Variants in UTP6 observed in about 807,000 individuals in gnomAD.
The protein encoded by UTP6 is U3 small nucleolar RNA-associated protein 6 homolog.
In UTP6, 60 loss-of-function variants were observed where a neutral mutation model predicts 96.5. The observed-to-expected ratio is 0.62, with a 90% CI of 0.51 to 0.77. UTP6 has a LOEUF of 0.77. Ranked by LOEUF, UTP6 falls within the 30% of genes least tolerant of loss-of-function variation. The pLI, the probability that UTP6 is intolerant of heterozygous loss-of-function variation, is 0.00. For synonymous variants in UTP6, 215 were observed against 240.1 expected, an observed-to-expected ratio of 0.90 and a Z score of 0.96; for missense variants, 637 against 706.5, an observed-to-expected ratio of 0.90 and a Z score of 1.12.
chr17:31,872,052 G>A (rs575147192), intron 16 of UTP6, among the ~76,000 whole-genome samples: 13 of 151,794 alleles, frequency 8.6e-5, no homozygotes, highest in South Asian at 2.1e-4. Flanking sequence ...AAAATTAGCC[G>A]GGCGTCGTGG....
chr17:31,882,015 T>G (rs886379655), intron 10 of UTP6, among the ~76,000 whole-genome samples: 10 of 151,026 alleles, frequency 6.6e-5, no homozygotes, highest in African/African-American at 1.9e-4. Flanking sequence ...TCATTTTCGT[T>G]TGTGTGTGTG....
rs553142316 is a variant in UTP6, at chr17:31,898,101, G to A, written c.177+1545C>T. 3.3e-5 allele frequency among the ~76,000 whole-genome samples: 5 copies of A among 152,074 alleles called. No individual in the cohort carries two copies. In the East Asian group the frequency reaches 5.8e-4, roughly 18 times the overall value. On this transcript the variant is annotated intron_variant, in intron 2 of 18. Transcript: ENST00000261708. Reference sequence around the variant, plus strand: ...AGTAGAAAAAAAAAAGAAAGAAAACGACAAGAGAGAAAGAGGAGGGGAAAA... The same window carrying A: ...AGTAGAAAAAAAAAAGAAAGAAAACAACAAGAGAGAAAGAGGAGGGGAAAA...
At chr17:31,896,899 G>A (rs543180648) in intron 2 of UTP6, among the ~76,000 whole-genome samples, 16 of 151,992 alleles carry the variant, frequency 1.1e-4, no homozygotes, top group East Asian at 1.9e-4. Context: ...CACGTGAGCC[G>A]CCACGCCCCT....
chr17:31,896,644 A>ATT (rs1555577190), intron 2 of UTP6, among the ~76,000 whole-genome samples: 89 of 145,770 alleles, frequency 6.1e-4, no homozygotes, highest in African/African-American at 1.9e-3. Context: ...ACAGAAAAAA[A>ATT]TTTTTTTTTT....
chr17:31,874,532 C>T (rs534062717), intron 14 of UTP6, among the ~76,000 whole-genome samples: 3 of 144,916 alleles, frequency 2.1e-5, no homozygotes, highest in Non-Finnish European at 4.5e-5. Flanking sequence ...GGCAACAGAA[C>T]AAGACTTCAT....
At chr17:31,884,623 G>T (rs1911046107) in intron 9 of UTP6, 118 bp from the exon 10 acceptor site, 2 of 765,162 alleles carry the variant, frequency 2.6e-6, no homozygotes, top group Admixed American at 3.1e-5. Flanking sequence ...ATGAGAAATA[G>T]AATAAAATAG....
At chr17:31,889,700 A>G (rs1258343759) in intron 6 of UTP6, among the ~76,000 whole-genome samples, 1 of 151,786 alleles carries the variant, frequency 6.6e-6, no homozygotes, top group Non-Finnish European at 1.5e-5. Flanking sequence ...GGGTTTCACC[A>G]TGTTAGCCAG....
chr17:31,863,867 AT>A (rs1409135889), intron 18 of UTP6, among the ~76,000 whole-genome samples: 5 of 151,968 alleles, frequency 3.3e-5, no homozygotes, highest in African/African-American at 1.2e-4. Context: ...TATTAGGCTA[AT>A]TTTTTTATTT....
chr17:31,893,015 T>C (rs28406118), intron 4 of UTP6, among the ~76,000 whole-genome samples: 4,692 of 151,340 alleles, frequency 0.031, 245 homozygotes, highest in African/African-American at 0.11. Flanking sequence ...TAACCTAAAA[T>C]TACAAAGATT....
Position 31,862,485 on chromosome 17 carries a change from C to G in UTP6, c.*874G>C, listed in dbSNP as rs1427438099. On this transcript the variant is annotated 3_prime_UTR_variant, in exon 19 of 19. Transcript: ENST00000261708. ...TGACAGGATGCTTTTTTTTACCACACTATTCTATTTCCTCCATATTTTCCA... is the reference window on the plus strand; with the variant it reads ...TGACAGGATGCTTTTTTTTACCACAGTATTCTATTTCCTCCATATTTTCCA... 1.3e-5 allele frequency: 2 copies of G among 152,134 alleles called. No individual in the cohort carries two copies. Among genetic ancestry groups the G allele is most frequent in the Non-Finnish European group, 2.9e-5 (2 of 68,022 alleles). 9.4% of individuals were successfully genotyped at this position (152,134 alleles called of 1,614,324 possible). A position where few individuals can be genotyped will look rare whatever the true frequency, so the allele number is the denominator to read the frequency against.
chr17:31,868,328 T>TTG (rs1295169993), intron 16 of UTP6, among the ~76,000 whole-genome samples: 1 of 142,072 alleles, frequency 7.0e-6, no homozygotes, highest in Non-Finnish European at 1.5e-5. Context: ...TTTTTTGGTT[T>TTG]TTTTTTTTTT....
At chr17:31,865,709 A>G (rs996884359) in intron 17 of UTP6, among the ~76,000 whole-genome samples, 1 of 152,344 alleles carries the variant, frequency 6.6e-6, no homozygotes, top group African/African-American at 2.4e-5. Context: ...TTCACAGAAA[A>G]CAGTATTTGA....
In UTP6 at chr17:31,887,319, G is replaced by A; in HGVS notation, c.544-6C>T. On this transcript the variant is annotated splice_polypyrimidine_tract_variant and splice_region_variant and intron_variant, in intron 7 of 18. Coordinates refer to ENST00000261708, the MANE Select transcript of UTP6 (RefSeq NM_018428.3). ...ATCAGCTCCATCCTAAAGTACTACAGAAGAGAAATAAACTGAAAATCTTTG... is the reference window on the plus strand; with the variant it reads ...ATCAGCTCCATCCTAAAGTACTACAAAAGAGAAATAAACTGAAAATCTTTG... The A allele has an allele frequency of 6.2e-7, 1 of 1,612,774 alleles. No individual in the cohort carries two copies. Among genetic ancestry groups the A allele is most frequent in the Non-Finnish European group, 8.5e-7 (1 of 1,179,284 alleles).
rs375420448 is a variant in UTP6 at position 31,880,774 on chromosome 17, G to C, written c.786-20C>G. ...TGAAGGCTGAAAAATACAATTTACTGTTATCAATCCCACAACAAGAAACTG... is the reference window on the plus strand; with the variant it reads ...TGAAGGCTGAAAAATACAATTTACTCTTATCAATCCCACAACAAGAAACTG... On this transcript the variant is annotated intron_variant, in intron 10 of 18. Coordinates refer to ENST00000261708, the MANE Select transcript of UTP6 (RefSeq NM_018428.3). 6.2e-7 allele frequency: 1 copy of C among 1,613,200 alleles called. No individual in the cohort carries two copies. Among genetic ancestry groups the C allele is most frequent in the African/African-American group, 1.3e-5 (1 of 74,902 alleles).
chr17:31,881,267 CTTTT>C (rs202102116), intron 10 of UTP6, among the ~76,000 whole-genome samples: 8 of 132,880 alleles, frequency 6.0e-5, no homozygotes, highest in Admixed American at 7.6e-5. Context: ...CACTTTTTCA[CTTTT>C]TTTTTTTTTT....
intron 1 of UTP6, among the ~76,000 whole-genome samples, chr17:31,900,307 T>G (rs780415696): frequency 1.3e-5 from 2 of 152,246 alleles, no homozygotes; most frequent in Middle Eastern, 3.4e-3. Context: ...GTGTTTTTTT[T>G]GTTTGTTTTT....
intron 2 of UTP6, among the ~76,000 whole-genome samples, chr17:31,897,432 A>G (rs1904716931): frequency 6.6e-6 from 1 of 150,454 alleles, no homozygotes; most frequent in Non-Finnish European, 1.5e-5. Context: ...TCTAAGCTCA[A>G]AACTTCTAGT....
In UTP6 at chr17:31,870,785, AG is replaced by A. The variant is rs1278931627; in HGVS notation, c.1496+2592del. The stretch of plus-strand genomic sequence containing the variant: ...TGATCCGTCTGCCTCGACCTCCCAA[AG>A]TGCTGGGATTACAGGCATGAGCCAC... On this transcript the variant is annotated intron_variant, in intron 16 of 18. Coordinates refer to ENST00000261708, the MANE Select transcript of UTP6 (RefSeq NM_018428.3). Among the ~76,000 whole-genome samples the A allele has an allele frequency of 1.2e-4, 18 of 151,162 alleles. No individual in the cohort carries two copies. The East Asian group carries it at 3.3e-3, about 28-fold the overall frequency.
At chr17:31,899,852 G>C (rs1904869239) in intron 1 of UTP6, 122 bp from the exon 2 acceptor site, 1 of 750,278 alleles carries the variant, frequency 1.3e-6, no homozygotes, top group African/African-American at 1.8e-5. Flanking sequence ...TCTTTCATAA[G>C]AAAGTATTAT....
Sources: gnomAD v4.1 joint callset for allele counts (sites outside exome capture counted in the v4.1 genomes callset) on GRCh38, gnomAD v4.1.1 for gene constraint, MANE v1.5 for transcripts, NCBI Gene and HGNC (gene_info 2026-07-23, HGNC 2026-07-21) for gene names.